TRDN: variants seen among roughly 807,000 people sequenced by gnomAD.
The protein encoded by TRDN is triadin, also known as triadin in skeletal muscle.
Under a neutral mutation model 149.7 loss-of-function variants are expected in TRDN, and 161 were observed. That is an observed-to-expected ratio of 1.08 (90% confidence interval 0.95 to 1.23). The LOEUF (loss-of-function observed/expected upper bound fraction) is 1.23, where lower values mean the gene tolerates loss of function less well. TRDN is among the 50% of genes most tolerant of loss of function. The pLI, the probability that TRDN is intolerant of heterozygous loss-of-function variation, is 0.00. For missense variants in TRDN, 896 were observed against 823.5 expected (o/e 1.09, Z -1.08); for synonymous variants, 294 against 250.5 (o/e 1.17, Z -1.64).
chr6:123,233,926 T>C (rs1775699266), intron 38 of TRDN, among the ~76,000 whole-genome samples: 1 of 152,128 alleles, frequency 6.6e-6, no homozygotes, highest in Admixed American at 6.6e-5. Flanking sequence ...CTCATTCTTA[T>C]AGTTACCAAT....
intron 36 of TRDN, 135 bp downstream of exon 36, chr6:123,255,732 T>C: frequency 2.4e-6 from 1 of 414,946 alleles, no homozygotes; most frequent in East Asian, 4.7e-5. Flanking sequence ...TTACCATATT[T>C]CTTCTTTTAC....
At chr6:123,581,643 G>A (rs574702781) in intron 1 of TRDN, among the ~76,000 whole-genome samples, 4 of 152,268 alleles carry the variant, frequency 2.6e-5, no homozygotes, top group South Asian at 2.1e-4. Flanking sequence ...ATGAGAAAAC[G>A]TTGAGATGAG....
chr6:123,456,297 A>G (rs980259889), intron 10 of TRDN, among the ~76,000 whole-genome samples: 3 of 152,192 alleles, frequency 2.0e-5, no homozygotes, highest in Non-Finnish European at 4.4e-5. Context: ...AATCATTTCA[A>G]TATGCTGAGT....
At chr6:123,332,489 G>A (rs1276048866) in intron 22 of TRDN, among the ~76,000 whole-genome samples, 1 of 152,038 alleles carries the variant, frequency 6.6e-6, no homozygotes, top group East Asian at 1.9e-4. Flanking sequence ...CTTGGTTGAA[G>A]TAACTCAAAT....
At position 123,273,349 on chromosome 6, in the gene TRDN, C is replaced by T; in HGVS notation, c.1612G>A (p.Val538Met). Residue 538 changes from valine (V) to methionine (M), a missense_variant, in exon 28 of 41, where the codon GTG (valine) becomes ATG (methionine). Coordinates refer to ENST00000334268, the MANE Select transcript of TRDN (RefSeq NM_006073.4). The part of the protein sequence containing the change: ...KEAKPAISEK[V>M]QIHKQDIVKP... ...AATTAATACATACTGTGTATTTGCACTTTTTCAGATATAGCTAAAATAAAT... is the reference window on the plus strand; with the variant it reads ...AATTAATACATACTGTGTATTTGCATTTTTTCAGATATAGCTAAAATAAAT... 3 of 1,036,092 alleles carry T rather than the reference C, an allele frequency of 2.9e-6. No individual in the cohort carries two copies. Among genetic ancestry groups the T allele is most frequent in the Non-Finnish European group, 3.9e-6 (3 of 766,790 alleles). The allele number at this position is 1,036,092 out of a possible 1,614,324, so 64.2% of individuals were successfully genotyped here.
chr6:123,535,698 G>A (rs1780493602), intron 4 of TRDN, among the ~76,000 whole-genome samples: 1 of 152,098 alleles, frequency 6.6e-6, no homozygotes. Flanking sequence ...CAGAGGAGGA[G>A]TTATAATAAT....
At chr6:123,459,432 C>G (rs1293220397) in intron 10 of TRDN, among the ~76,000 whole-genome samples, 1 of 151,960 alleles carries the variant, frequency 6.6e-6, no homozygotes, top group Admixed American at 6.6e-5. Context: ...GGTTGTGGTC[C>G]CCTACTGAAG....
At chr6:123,340,764 C>A (rs1377887746) in intron 21 of TRDN, among the ~76,000 whole-genome samples, 1 of 151,894 alleles carries the variant, frequency 6.6e-6, no homozygotes, top group Non-Finnish European at 1.5e-5. Flanking sequence ...TGTAAAGAAC[C>A]ACCTGGCAAG....
chr6:123,237,922 C>A (rs1323318004), intron 38 of TRDN, among the ~76,000 whole-genome samples: 6 of 151,878 alleles, frequency 4.0e-5, no homozygotes, highest in Non-Finnish European at 5.9e-5. Flanking sequence ...GAAGAAATGA[C>A]AATTAAATTG....
At chr6:123,472,148 T>G (rs369139331) in intron 9 of TRDN, among the ~76,000 whole-genome samples, 1 of 152,198 alleles carries the variant, frequency 6.6e-6, no homozygotes. Flanking sequence ...ACGGGTGATT[T>G]CTGCATTTCC....
intron 1 of TRDN, among the ~76,000 whole-genome samples, chr6:123,610,871 G>T (rs556201347): frequency 6.6e-6 from 1 of 152,106 alleles, no homozygotes; most frequent in African/African-American, 2.4e-5. Context: ...ATACATCTAG[G>T]AGAGCAGATC....
At chr6:123,479,710 T>C (rs891911365) in intron 9 of TRDN, among the ~76,000 whole-genome samples, 2 of 152,092 alleles carry the variant, frequency 1.3e-5, no homozygotes, top group Non-Finnish European at 2.9e-5. Context: ...CAAAAGAGCA[T>C]AGGGGACAGG....
At chr6:123,595,207 CTTA>C (rs1247122167) in intron 1 of TRDN, among the ~76,000 whole-genome samples, 5 of 152,088 alleles carry the variant, frequency 3.3e-5, no homozygotes, top group Non-Finnish European at 7.4e-5. Context: ...AATGAAATCA[CTTA>C]TTAATTTATT....
At chr6:123,477,358 A>G (rs1777537827) in intron 9 of TRDN, among the ~76,000 whole-genome samples, 1 of 146,292 alleles carries the variant, frequency 6.8e-6, no homozygotes, top group South Asian at 2.4e-4. Flanking sequence ...AACCACAATG[A>G]GATACCATCT....
intron 19 of TRDN, among the ~76,000 whole-genome samples, chr6:123,370,124 T>C (rs1429357299): frequency 6.6e-6 from 1 of 152,180 alleles, no homozygotes; most frequent in African/African-American, 2.4e-5. Flanking sequence ...ATGTTCACCT[T>C]TGTAACCTCC....
chr6:123,538,540 C>G (rs1368540884), intron 4 of TRDN, among the ~76,000 whole-genome samples: 1 of 152,124 alleles, frequency 6.6e-6, no homozygotes, highest in South Asian at 2.1e-4. Context: ...GGAATACTCT[C>G]TCCCCCTTGA....
chr6:123,247,773 A>AT (rs1452071510), intron 38 of TRDN, among the ~76,000 whole-genome samples: 5 of 152,228 alleles, frequency 3.3e-5, no homozygotes, highest in African/African-American at 1.2e-4. Flanking sequence ...GGAACCAGAA[A>AT]AGAGCCTGTA....
chr6:123,300,237 A>T (rs549847681), intron 24 of TRDN, among the ~76,000 whole-genome samples: 7 of 152,126 alleles, frequency 4.6e-5, no homozygotes, highest in African/African-American at 1.7e-4. Context: ...TTAAAAGGAA[A>T]GAAAAGAGCA....
At chr6:123,491,886 T>C (rs1194364313) in intron 9 of TRDN, among the ~76,000 whole-genome samples, 1 of 152,180 alleles carries the variant, frequency 6.6e-6, no homozygotes, top group African/African-American at 2.4e-5. Context: ...TACCTAGTCT[T>C]GTCTAATACA....
Sources: gnomAD v4.1 joint callset for allele counts (sites outside exome capture counted in the v4.1 genomes callset) on GRCh38, gnomAD v4.1.1 for gene constraint, MANE v1.5 for transcripts, NCBI Gene and HGNC (gene_info 2026-07-23, HGNC 2026-07-21) for gene names.